The following ANKRD33B variants were observed in gnomAD, a reference collection of about 807,000 sequenced individuals.
The protein encoded by ANKRD33B is ankyrin repeat domain 33B.
ANKRD33B carries 6 observed loss-of-function variants against 21.5 expected under a neutral mutation model. That is an observed-to-expected ratio of 0.28 (90% confidence interval 0.15 to 0.55). The LOEUF (loss-of-function observed/expected upper bound fraction) is 0.55, where lower values mean the gene tolerates loss of function less well. ANKRD33B is among the 20% of genes least tolerant of loss of function. ANKRD33B has a pLI of 0.94. For missense variants in ANKRD33B, 698 were observed against 747.2 expected, an observed-to-expected ratio of 0.93 and a Z score of 0.77; for synonymous variants, 347 against 342.4, an observed-to-expected ratio of 1.01 and a Z score of -0.15.
At chr5:10,586,591 C>G (rs1735567737) in intron 1 of ANKRD33B, among the ~76,000 whole-genome samples, 1 of 151,610 alleles carries the variant, frequency 6.6e-6, no homozygotes, top group South Asian at 2.1e-4. Context: ...TTCAGACCAA[C>G]AAACAGTTCT....
chr5:10,634,223 T>C (rs554451541), intron 2 of ANKRD33B, among the ~76,000 whole-genome samples: 1 of 152,310 alleles, frequency 6.6e-6, no homozygotes, highest in Non-Finnish European at 1.5e-5. Flanking sequence ...CAGAGCCAGC[T>C]CTCTTCAGTA....
At chr5:10,601,939 G>A (rs981141262) in intron 1 of ANKRD33B, among the ~76,000 whole-genome samples, 3 of 152,234 alleles carry the variant, frequency 2.0e-5, no homozygotes, top group Admixed American at 6.5e-5. Flanking sequence ...TGGTGCACAT[G>A]AGAACAAGAC....
rs573512502 is a variant in ANKRD33B, at chr5:10,624,914, A to G, written c.496+6452A>G. 1.4e-4 allele frequency: 57 copies of G among 405,604 alleles called. 2 individuals carry two copies. The highest frequency in any genetic ancestry group is 1.5e-4 in the Non-Finnish European group (30 of 204,234). The allele number at this position is 405,604 out of a possible 1,614,324, so 25.1% of individuals were successfully genotyped here. A position where few individuals can be genotyped will look rare whatever the true frequency, so the allele number is the denominator to read the frequency against. ...TGGGGTGGGGCCCAAGAATGAGCAG[A>G]TCAACAGGTTTCCTGGTGAGGCTGA... On this transcript the variant is annotated intron_variant, in intron 2 of 3. Transcript: ENST00000296657.
Position 10,581,232 on chromosome 5 carries a change from G to C in ANKRD33B, c.366+16399G>C, listed in dbSNP as rs555455287. 6.8e-4 allele frequency among the ~76,000 whole-genome samples: 104 copies of C among 152,336 alleles called. 1 individual carries two copies. The highest frequency in any genetic ancestry group is 1.9e-3 in the African/African-American group (81 of 41,580). On this transcript the variant is annotated intron_variant, in intron 1 of 3. Transcript: ENST00000296657. ...GGCAGGGCTGCCTCCTCCTCCCCCA[G>C]TGTTTTGGGCACTATTGTCAGAATT...
chr5:10,641,476 G>A (rs1199335630), intron 3 of ANKRD33B, among the ~76,000 whole-genome samples: 2 of 151,916 alleles, frequency 1.3e-5, no homozygotes, highest in African/African-American at 4.8e-5. Flanking sequence ...TGATCTGCCC[G>A]CCTTAGCCTC....
chr5:10,638,442 G>A (rs6889844), intron 3 of ANKRD33B, among the ~76,000 whole-genome samples: 63,748 of 151,986 alleles, frequency 0.42, 13,656 homozygotes, highest in Middle Eastern at 0.56. Context: ...CTGCCCACCC[G>A]TTCTACACCC....
At chr5:10,575,679 C>T (rs182360093) in intron 1 of ANKRD33B, among the ~76,000 whole-genome samples, 1 of 152,164 alleles carries the variant, frequency 6.6e-6, no homozygotes, top group African/African-American at 2.4e-5. Flanking sequence ...TTCACAGGGA[C>T]ACCGACTTAC....
At chr5:10,618,097 G>A (rs1307014912) in intron 1 of ANKRD33B, among the ~76,000 whole-genome samples, 1 of 152,210 alleles carries the variant, frequency 6.6e-6, no homozygotes, top group East Asian at 1.9e-4. Flanking sequence ...TGAGACCTTA[G>A]CAGTTCACTG....
At chr5:10,633,729 C>T (rs1169567411) in intron 2 of ANKRD33B, among the ~76,000 whole-genome samples, 1 of 152,186 alleles carries the variant, frequency 6.6e-6, no homozygotes, top group African/African-American at 2.4e-5. Context: ...ATGACCTCGA[C>T]AGTTTTGAGG....
At chr5:10,640,000 C>T (rs1349904154) in intron 3 of ANKRD33B, among the ~76,000 whole-genome samples, 2 of 64,398 alleles carry the variant, frequency 3.1e-5, no homozygotes, top group Non-Finnish European at 7.2e-5. Flanking sequence ...GCGATGTTAG[C>T]GGGTGACGTG....
rs1171930070 is a variant in ANKRD33B at position 10,649,536 on chromosome 5, G to A, written c.908G>A (p.Gly303Asp). The A allele has an allele frequency of 2.0e-6, 3 of 1,532,318 alleles. No homozygotes were observed. Among genetic ancestry groups the A allele is most frequent in the Non-Finnish European group, 1.7e-6 (2 of 1,145,254 alleles). 94.9% of individuals were successfully genotyped at this position (1,532,318 alleles called of 1,614,324 possible). ...PRSVRGPEDGGVLDHMVRMTT... is the reference protein window; with the variant it reads ...PRSVRGPEDGDVLDHMVRMTT... Reference sequence around the variant, plus strand: ...TCCGTGCGGGGCCCGGAGGACGGGGGCGTCCTGGACCACATGGTCCGGATG... The same window carrying A: ...TCCGTGCGGGGCCCGGAGGACGGGGACGTCCTGGACCACATGGTCCGGATG... The change falls in exon 4 of 4, where the codon GGC becomes GAC. Residue 303 changes from glycine to aspartate, a missense_variant. Physicochemically the swap from Gly to Asp is moderately conservative, Grantham distance 94. Transcript: ENST00000296657.
intron 3 of ANKRD33B, among the ~76,000 whole-genome samples, chr5:10,643,018 C>T (rs1262315083): frequency 1.3e-5 from 2 of 152,120 alleles, no homozygotes; most frequent in East Asian, 3.9e-4. Context: ...AATTCTCTTG[C>T]TTCAGCCTCC....
intron 1 of ANKRD33B, among the ~76,000 whole-genome samples, chr5:10,575,843 C>T (rs186671526): frequency 2.7e-4 from 41 of 152,106 alleles, no homozygotes; most frequent in Admixed American, 7.2e-4. Context: ...CTGCTGGGGC[C>T]GAGCGTGGGG....
intron 2 of ANKRD33B, among the ~76,000 whole-genome samples, chr5:10,620,659 T>TC (rs1279906864): frequency 2.6e-5 from 4 of 152,344 alleles, no homozygotes; most frequent in African/African-American, 9.6e-5. Flanking sequence ...GATTTTATAT[T>TC]CACCCATGAT....
At chr5:10,632,098 G>A (rs140959265) in intron 2 of ANKRD33B, among the ~76,000 whole-genome samples, 2 of 152,074 alleles carry the variant, frequency 1.3e-5, no homozygotes, top group East Asian at 3.9e-4. Flanking sequence ...AGGGTTCTCT[G>A]GGGTCCCCTT....
In ANKRD33B at chr5:10,649,564, C is replaced by T. The variant is rs777794950; in HGVS notation, c.936C>T (p.Thr312=). 5 of 1,524,380 alleles carry T rather than the reference C, an allele frequency of 3.3e-6. No homozygotes were observed. The highest frequency in any genetic ancestry group is 2.7e-5 in the African/African-American group (2 of 72,850). 94.4% of individuals were successfully genotyped at this position (1,524,380 alleles called of 1,614,324 possible). A position where few individuals can be genotyped will look rare whatever the true frequency, so the allele number is the denominator to read the frequency against. The change falls in exon 4 of 4, where the codon ACC becomes ACT. Residue 312 remains threonine, a synonymous_variant. Transcript: ENST00000296657. ...TCCTGGACCACATGGTCCGGATGAC[C>T]ACGAGCCTCTACAGCCCCGCCGTGG... is the stretch of plus-strand genomic sequence containing the variant. ...GGVLDHMVRM[T]TSLYSPAVAI...
intron 3 of ANKRD33B, among the ~76,000 whole-genome samples, chr5:10,647,008 G>T (rs560201442): frequency 6.6e-6 from 1 of 152,142 alleles, no homozygotes; most frequent in Non-Finnish European, 1.5e-5. Context: ...AGCGTCTGTC[G>T]GGTCCGGTCC....
At chr5:10,638,903 T>C (rs201284718) in intron 3 of ANKRD33B, among the ~76,000 whole-genome samples, 39,341 of 113,250 alleles carry the variant, frequency 0.35, 8,594 homozygotes, top group Middle Eastern at 0.5. Flanking sequence ...TGGAGTTGTG[T>C]GGTAATGTTA....
At chr5:10,624,742 A>G (rs1006622121) in intron 2 of ANKRD33B, 1 of 456,586 alleles carries the variant, frequency 2.2e-6, no homozygotes, top group African/African-American at 2.0e-5. Context: ...CCCTGTCCCC[A>G]TGGGCATAGT....
Sources: allele counts gnomAD v4.1 joint callset (sites outside exome capture counted in the v4.1 genomes callset), GRCh38; gene constraint gnomAD v4.1.1; transcripts MANE v1.5; gene names NCBI Gene and HGNC (gene_info 2026-07-23, HGNC 2026-07-21).